Variants in DRG1 observed in about 807,000 individuals in gnomAD.
DRG1 encodes the protein developmentally regulated GTP binding protein 1, also known as developmentally-regulated GTP-binding protein 1.
In DRG1, 19 loss-of-function variants were observed where a neutral mutation model predicts 38.8. The ratio of observed to expected loss-of-function variants is 0.49; its 90% CI spans 0.34 to 0.72. The LOEUF (loss-of-function observed/expected upper bound fraction) is 0.72, where lower values mean the gene tolerates loss of function less well. Ranked by LOEUF, DRG1 falls within the 30% of genes least tolerant of loss-of-function variation. The pLI, the probability that DRG1 is intolerant of heterozygous loss-of-function variation, is 0.01. For missense variants in DRG1, 299 were observed against 444.8 expected, an observed-to-expected ratio of 0.67 and a Z score of 2.95; for synonymous variants, 167 against 157.5, an observed-to-expected ratio of 1.06 and a Z score of -0.45.
chr22:31,400,111 G>C (rs114884010), intron 1 of DRG1, among the ~76,000 whole-genome samples: 1 of 152,028 alleles, frequency 6.6e-6, no homozygotes, highest in East Asian at 1.9e-4. Context: ...AGATAGTTCA[G>C]GATCTTTCCT....
In DRG1 at chr22:31,433,830, G is replaced by C. The variant is rs371412547; in HGVS notation, c.1005-42G>C. The C allele has an allele frequency of 1.1e-5, 17 of 1,583,982 alleles. No individual in the cohort carries two copies. The African/African-American group carries it at 2.2e-4, about 20-fold the overall frequency. ...ATCCAGGCAAATAGGGCAGAAGCTA[G>C]GTTATTATTTACACTGACTGTTCTT... On this transcript the variant is annotated intron_variant, in intron 8 of 8. Transcript: ENST00000331457.
intron 4 of DRG1, among the ~76,000 whole-genome samples, chr22:31,414,784 T>C (rs1200097985): frequency 2.7e-5 from 4 of 148,796 alleles, no homozygotes; most frequent in South Asian, 2.1e-4. Flanking sequence ...CATTTTCTTT[T>C]TTTTTTTTTT....
chr22:31,427,768 T>C (rs1469276076), intron 8 of DRG1, among the ~76,000 whole-genome samples: 1 of 152,064 alleles, frequency 6.6e-6, no homozygotes, highest in African/African-American at 2.4e-5. Context: ...AGTCTCGCTT[T>C]TGTTGCCCAG....
intron 3 of DRG1, among the ~76,000 whole-genome samples, chr22:31,405,755 C>T (rs916930658): frequency 6.6e-5 from 10 of 151,872 alleles, no homozygotes; most frequent in Non-Finnish European, 1.0e-4. Flanking sequence ...GTGGCGTGAT[C>T]TTGGCTCACT....
chr22:31,426,007 T>C (rs748999325), intron 6 of DRG1, among the ~76,000 whole-genome samples: 1 of 152,216 alleles, frequency 6.6e-6, no homozygotes, highest in Non-Finnish European at 1.5e-5. Context: ...ATGACATTGG[T>C]AGATGCTATA....
At chr22:31,425,314 C>T (rs1197575497) in intron 6 of DRG1, among the ~76,000 whole-genome samples, 2 of 152,114 alleles carry the variant, frequency 1.3e-5, no homozygotes, top group Admixed American at 1.3e-4. Flanking sequence ...TCAGTCTGCT[C>T]TTCCAGAATT....
chr22:31,431,482 T>C (rs554283060), intron 8 of DRG1, among the ~76,000 whole-genome samples: 9 of 152,162 alleles, frequency 5.9e-5, no homozygotes, highest in East Asian at 1.9e-4. Flanking sequence ...CTAGGCAATA[T>C]AGTGAGACCC....
chr22:31,411,701 T>A (rs2050019125), intron 4 of DRG1, among the ~76,000 whole-genome samples: 1 of 151,754 alleles, frequency 6.6e-6, no homozygotes, highest in Admixed American at 6.6e-5. Context: ...GGCTAATTTT[T>A]TTTTTTTTGG....
rs369438530 is a variant in DRG1 at position 31,422,922 on chromosome 22, TCTC to T, written c.583-355_583-353del. 4.8e-4 allele frequency among the ~76,000 whole-genome samples: 73 copies of T among 152,282 alleles called. 2 individuals are homozygous for T. Among genetic ancestry groups the T allele is most frequent in the African/African-American group, 1.6e-3 (67 of 41,560 alleles). On this transcript the variant is annotated intron_variant, in intron 5 of 8. Coordinates refer to ENST00000331457, the MANE Select transcript of DRG1 (RefSeq NM_004147.4). ...TTTGCTCTGTGTGTCTGTGTCCTAA[TCTC>T]CTTTTCTTATTAGGACCACCAGTAT...
intron 3 of DRG1, among the ~76,000 whole-genome samples, chr22:31,407,184 T>C (rs939450383): frequency 1.3e-5 from 2 of 152,206 alleles, no homozygotes; most frequent in African/African-American, 4.8e-5. Context: ...GTTGTGTCTG[T>C]AGGGTTTCTC....
intron 4 of DRG1, among the ~76,000 whole-genome samples, chr22:31,411,978 T>TC (rs958548752): frequency 9.9e-5 from 15 of 152,098 alleles, no homozygotes; most frequent in African/African-American, 3.1e-4. Flanking sequence ...CCAACTTTTT[T>TC]CCCTCACTGG....
chr22:31,434,053 T>G lies in DRG1; in HGVS notation c.*82T>G. On this transcript the variant is annotated 3_prime_UTR_variant, in exon 9 of 9. Transcript: ENST00000331457. Reference sequence around the variant, plus strand: ...GCACCCTACCCCAGTTCTTTCTGGTTTTGGCAGTCACTGGATCAGGATCCA... The same window carrying G: ...GCACCCTACCCCAGTTCTTTCTGGTGTTGGCAGTCACTGGATCAGGATCCA... The G allele has an allele frequency of 7.4e-7, 1 of 1,360,132 alleles. No individual in the cohort carries two copies. The highest frequency in any genetic ancestry group is 1.0e-6 in the Non-Finnish European group (1 of 971,576). 84.3% of individuals were successfully genotyped at this position (1,360,132 alleles called of 1,614,324 possible).
chr22:31,410,360 C>T (rs1378368499), intron 3 of DRG1, among the ~76,000 whole-genome samples: 1 of 151,812 alleles, frequency 6.6e-6, no homozygotes, highest in Non-Finnish European at 1.5e-5. Flanking sequence ...GAATTTGAGG[C>T]AGAAGAATCG....
intron 3 of DRG1, 55 bp from the exon 4 acceptor site, chr22:31,410,957 C>G: frequency 2.5e-6 from 4 of 1,571,364 alleles, no homozygotes; most frequent in Non-Finnish European, 3.5e-6. Flanking sequence ...TTGATATTTT[C>G]AAATTTATAA....
chr22:31,420,941 AG>A (rs2050073441), intron 5 of DRG1, among the ~76,000 whole-genome samples: 1 of 152,096 alleles, frequency 6.6e-6, no homozygotes. Context: ...TGAGGGTTGC[AG>A]TTTTAAGAAC....
chr22:31,406,006 C>CTTTTTTTT (rs993821605), intron 3 of DRG1, among the ~76,000 whole-genome samples: 1 of 129,440 alleles, frequency 7.7e-6, no homozygotes, highest in Admixed American at 7.8e-5. Context: ...TTTCTTTTTT[C>CTTTTTTTT]TTTTTTTTTT....
chr22:31,421,942 C>T (rs904716053), intron 5 of DRG1, among the ~76,000 whole-genome samples: 1 of 151,746 alleles, frequency 6.6e-6, no homozygotes, highest in African/African-American at 2.4e-5. Flanking sequence ...TGGTGAAACC[C>T]TGTATCTACT....
In DRG1 at chr22:31,426,792, T is replaced by G; in HGVS notation, c.881+10T>G. Reference sequence around the variant, plus strand: ...TGAAACTAGTGAGAATGTAAGTCTTTGTGGATAGGGTAATGTTGCTATAGG... The same window carrying G: ...TGAAACTAGTGAGAATGTAAGTCTTGGTGGATAGGGTAATGTTGCTATAGG... On this transcript the variant is annotated intron_variant, in intron 7 of 8. Coordinates refer to ENST00000331457, the MANE Select transcript of DRG1 (RefSeq NM_004147.4). 1 of 1,613,402 alleles carries G rather than the reference T, an allele frequency of 6.2e-7. No individual in the cohort carries two copies. Among genetic ancestry groups the G allele is most frequent in the East Asian group, 2.2e-5 (1 of 44,884 alleles).
intron 8 of DRG1, among the ~76,000 whole-genome samples, chr22:31,433,191 C>G (rs1483686128): frequency 6.6e-6 from 1 of 151,820 alleles, no homozygotes; most frequent in Non-Finnish European, 1.5e-5. Flanking sequence ...CAGGTATTCT[C>G]TAACAGTCTA....
Sources: gnomAD v4.1 joint callset for allele counts (sites outside exome capture counted in the v4.1 genomes callset) on GRCh38, gnomAD v4.1.1 for gene constraint, MANE v1.5 for transcripts, NCBI Gene and HGNC (gene_info 2026-07-23, HGNC 2026-07-21) for gene names.